PDZRN3: variants seen among roughly 807,000 people sequenced by gnomAD.
PDZRN3 encodes the protein E3 ubiquitin-protein ligase PDZRN3.
Under a neutral mutation model 85.7 loss-of-function variants are expected in PDZRN3, and 38 were observed. The observed-to-expected ratio is 0.44, with a 90% CI of 0.34 to 0.58. The LOEUF is 0.58. Among genes scored for constraint, PDZRN3 ranks in the 20% least tolerant of loss-of-function variants. The pLI is 0.01. For synonymous variants in PDZRN3, 759 were observed against 638.0 expected, an observed-to-expected ratio of 1.19 and a Z score of -2.86; for missense variants, 1,629 against 1,506.4, an observed-to-expected ratio of 1.08 and a Z score of -1.35.
At chr3:73,477,721 T>C (rs1282468181) in intron 3 of PDZRN3, among the ~76,000 whole-genome samples, 1 of 152,194 alleles carries the variant, frequency 6.6e-6, no homozygotes, top group Non-Finnish European at 1.5e-5. Flanking sequence ...TATCTTTGTG[T>C]ATCAGTCCAT....
chr3:73,466,252 T>C (rs904389657), intron 3 of PDZRN3, among the ~76,000 whole-genome samples: 2 of 151,246 alleles, frequency 1.3e-5, no homozygotes, highest in Non-Finnish European at 2.9e-5. Context: ...CTATCTAAAA[T>C]GACCAACGAA....
chr3:73,472,028 T>G (rs1226475428), intron 3 of PDZRN3, among the ~76,000 whole-genome samples: 1 of 149,466 alleles, frequency 6.7e-6, no homozygotes, highest in Non-Finnish European at 1.5e-5. Flanking sequence ...TAAGCTGAAG[T>G]GCCATGCTGA....
Position 73,384,240 on chromosome 3 carries a change from C to T in PDZRN3, c.2326G>A (p.Asp776Asn), listed in dbSNP as rs756197620. Reference protein sequence around the residue: ...STPLTLEISPDNSLRRAAEGI... With the variant: ...STPLTLEISPNNSLRRAAEGI... Reference sequence around the variant, plus strand: ...TCCGCCGCTCTCCTCAAGGAGTTGTCGGGGGAGATCTCCAGGGTGAGCGGG... The same window carrying T: ...TCCGCCGCTCTCCTCAAGGAGTTGTTGGGGGAGATCTCCAGGGTGAGCGGG... Residue 776 changes from aspartate (D) to asparagine (N), a missense_variant, in exon 10 of 10, where the codon GAC (aspartate) becomes AAC (asparagine). Coordinates refer to ENST00000263666, the MANE Select transcript of PDZRN3 (RefSeq NM_015009.3). 3.1e-6 allele frequency: 5 copies of T among 1,613,458 alleles called. No homozygotes were observed. The highest frequency in any genetic ancestry group is 2.5e-6 in the Non-Finnish European group (3 of 1,179,954).
intron 3 of PDZRN3, among the ~76,000 whole-genome samples, chr3:73,471,177 A>G (rs1680673377): frequency 6.6e-6 from 1 of 152,180 alleles, no homozygotes; most frequent in African/African-American, 2.4e-5. Context: ...ACAGAGGGAC[A>G]ACGATGTGAA....
In PDZRN3 at chr3:73,578,842, C is replaced by G. The variant is rs183372925; in HGVS notation, c.918+23512G>C. On this transcript the variant is annotated intron_variant, in intron 3 of 9. Transcript: ENST00000263666. ...GAAAGAGTTTAGGACAGAATTATTT[C>G]TCCATTCTTGAACTGTGTGAAAAAT... is the stretch of plus-strand genomic sequence containing the variant. Among the ~76,000 whole-genome samples, 384 of 152,242 alleles carry G rather than the reference C, an allele frequency of 2.5e-3. 2 individuals carry two copies. The highest frequency in any genetic ancestry group is 4.0e-3 in the Non-Finnish European group (271 of 68,022).
At chr3:73,446,429 G>A (rs540392946) in intron 3 of PDZRN3, among the ~76,000 whole-genome samples, 2 of 152,182 alleles carry the variant, frequency 1.3e-5, no homozygotes, top group South Asian at 4.1e-4. Flanking sequence ...TAAAATTAGA[G>A]GGGAACAATG....
chr3:73,613,622 C>T (rs1702716210), intron 1 of PDZRN3, among the ~76,000 whole-genome samples: 1 of 152,114 alleles, frequency 6.6e-6, no homozygotes, highest in South Asian at 2.1e-4. Flanking sequence ...GTGGCACCTT[C>T]TTGGCAGCTT....
intron 3 of PDZRN3, among the ~76,000 whole-genome samples, chr3:73,573,339 G>A (rs1367307223): frequency 6.6e-6 from 1 of 152,188 alleles, no homozygotes; most frequent in Non-Finnish European, 1.5e-5. Flanking sequence ...AAGACGAGGA[G>A]GCAAAGTGAG....
At chr3:73,563,012 TA>T (rs1412594529) in intron 3 of PDZRN3, among the ~76,000 whole-genome samples, 6 of 41,478 alleles carry the variant, frequency 1.4e-4, no homozygotes, top group Admixed American at 3.0e-4. Context: ...TATATATATA[TA>T]TTTTTTTTTT....
intron 3 of PDZRN3, among the ~76,000 whole-genome samples, chr3:73,461,282 GTA>G (rs1267205530): frequency 1.3e-5 from 2 of 152,132 alleles, no homozygotes; most frequent in East Asian, 1.9e-4. Flanking sequence ...TATTCTACAT[GTA>G]TATGTTTTTA....
intron 2 of PDZRN3, among the ~76,000 whole-genome samples, chr3:73,604,422 T>C (rs1702563810): frequency 6.6e-6 from 1 of 152,194 alleles, no homozygotes; most frequent in African/African-American, 2.4e-5. Flanking sequence ...TGAGAGAGGT[T>C]CGGAAACTCA....
chr3:73,445,151 T>C (rs1257096773), intron 3 of PDZRN3, among the ~76,000 whole-genome samples: 2 of 152,220 alleles, frequency 1.3e-5, no homozygotes, highest in Non-Finnish European at 2.9e-5. Context: ...ACTTTGTATC[T>C]TGCTTGGTAG....
At chr3:73,527,325 G>T (rs2106744868) in intron 3 of PDZRN3, among the ~76,000 whole-genome samples, 1 of 152,188 alleles carries the variant, frequency 6.6e-6, no homozygotes, top group Admixed American at 6.5e-5. Context: ...ACCAGTAAAT[G>T]GTTTTTAAGG....
At chr3:73,592,952 T>G (rs761674261) in intron 3 of PDZRN3, among the ~76,000 whole-genome samples, 2 of 152,174 alleles carry the variant, frequency 1.3e-5, no homozygotes, top group Non-Finnish European at 2.9e-5. Context: ...TTTGAAGCGT[T>G]CCCCTAGCGC....
At chr3:73,460,346 G>A (rs1703078947) in intron 3 of PDZRN3, among the ~76,000 whole-genome samples, 1 of 152,118 alleles carries the variant, frequency 6.6e-6, no homozygotes, top group Non-Finnish European at 1.5e-5. Flanking sequence ...TATGATTTGT[G>A]TCTTTCATGG....
rs1014327719 is a variant in PDZRN3, at chr3:73,624,076, A to C, written c.723+27T>G. The C allele has an allele frequency of 1.5e-5, 21 of 1,415,012 alleles. No individual in the cohort carries two copies. In the Middle Eastern group the frequency reaches 9.9e-4, roughly 66 times the overall value. 87.7% of individuals were successfully genotyped at this position (1,415,012 alleles called of 1,614,324 possible). On this transcript the variant is annotated intron_variant, in intron 1 of 9. Transcript: ENST00000263666. Reference sequence around the variant, plus strand: ...CTGGGTCCCCAGGGATCCTGGCTGGAGGTCGGGGCGGGCAGCAGGCGCCTA... The same window carrying C: ...CTGGGTCCCCAGGGATCCTGGCTGGCGGTCGGGGCGGGCAGCAGGCGCCTA...
intron 6 of PDZRN3, among the ~76,000 whole-genome samples, chr3:73,390,654 T>TGTGTGTGTGTGTGTGTGA (rs36036904): frequency 2.9e-5 from 4 of 140,052 alleles, no homozygotes; most frequent in Non-Finnish European, 6.1e-5. Flanking sequence ...TGTGTGTGTG[T>TGTGTGTGTGTGTGTGTGA]GAGAGAGAGA....
intron 3 of PDZRN3, among the ~76,000 whole-genome samples, chr3:73,479,630 C>CCCA (rs1176800630): frequency 4.6e-5 from 7 of 152,138 alleles, no homozygotes; most frequent in Non-Finnish European, 8.8e-5. Context: ...GCTGAACAGG[C>CCCA]CCAAGCCTTT....
At chr3:73,468,104 A>G (rs1000550406) in intron 3 of PDZRN3, among the ~76,000 whole-genome samples, 2 of 152,260 alleles carry the variant, frequency 1.3e-5, no homozygotes, top group African/African-American at 2.4e-5. Flanking sequence ...TGTTATGTAT[A>G]TTGTACCATA....
Sources: gnomAD v4.1 joint callset for allele counts (sites outside exome capture counted in the v4.1 genomes callset) on GRCh38, gnomAD v4.1.1 for gene constraint, MANE v1.5 for transcripts, NCBI Gene and HGNC (gene_info 2026-07-23, HGNC 2026-07-21) for gene names.